The following CYYR1 variants were observed in gnomAD, a reference collection of about 807,000 sequenced individuals.
CYYR1 encodes cysteine and tyrosine rich 1, also known as cysteine and tyrosine-rich protein 1.
CYYR1 carries 14 observed loss-of-function variants against 15.2 expected under a neutral mutation model. The ratio of observed to expected loss-of-function variants is 0.92; its 90% CI spans 0.61 to 1.44. The LOEUF (loss-of-function observed/expected upper bound fraction) is 1.44, where lower values mean the gene tolerates loss of function less well. CYYR1 is among the 40% of genes most tolerant of loss of function. CYYR1 has a pLI of 0.00. For missense variants in CYYR1, 228 were observed against 209.5 expected, an observed-to-expected ratio of 1.09 and a Z score of -0.54; for synonymous variants, 80 against 77.4, an observed-to-expected ratio of 1.03 and a Z score of -0.18.
chr21:26,538,416 T>C (rs1601807182), intron 2 of CYYR1, among the ~76,000 whole-genome samples: 1 of 152,188 alleles, frequency 6.6e-6, no homozygotes, highest in African/African-American at 2.4e-5. Flanking sequence ...GAGCTCCTTA[T>C]TCTTTGTTCT....
intron 2 of CYYR1, among the ~76,000 whole-genome samples, chr21:26,517,056 A>G (rs2065737645): frequency 7.9e-6 from 1 of 127,118 alleles, no homozygotes. Context: ...CGGAGCTTGC[A>G]GTGAGCCGAG....
intron 2 of CYYR1, among the ~76,000 whole-genome samples, chr21:26,533,375 C>T (rs754363410): frequency 3.3e-5 from 5 of 151,936 alleles, no homozygotes; most frequent in Non-Finnish European, 7.4e-5. Flanking sequence ...TGACTTAATA[C>T]GGTCTAAGTC....
chr21:26,508,507 T>C (rs2123504135), intron 2 of CYYR1, among the ~76,000 whole-genome samples: 1 of 152,264 alleles, frequency 6.6e-6, no homozygotes, highest in East Asian at 1.9e-4. Context: ...CTTAAGCTAT[T>C]GTGGTAATGG....
At chr21:26,498,641 A>G (rs944016630) in intron 2 of CYYR1, among the ~76,000 whole-genome samples, 11 of 152,230 alleles carry the variant, frequency 7.2e-5, no homozygotes, top group African/African-American at 2.7e-4. Context: ...CTGTTGTATT[A>G]GTCTATTCTC....
chr21:26,501,610 G>A (rs1342420053), intron 2 of CYYR1, among the ~76,000 whole-genome samples: 1 of 152,170 alleles, frequency 6.6e-6, no homozygotes, highest in Non-Finnish European at 1.5e-5. Flanking sequence ...TTTCTATTCT[G>A]TTCACAAGGA....
intron 1 of CYYR1, among the ~76,000 whole-genome samples, chr21:26,567,169 G>A (rs1279293037): frequency 4.2e-4 from 11 of 26,274 alleles, no homozygotes; most frequent in Non-Finnish European, 8.0e-4. Flanking sequence ...TTTTCATTTG[G>A]TGACTTTTTT....
intron 2 of CYYR1, among the ~76,000 whole-genome samples, chr21:26,536,040 C>T (rs144593237): frequency 0.01 from 1,573 of 152,206 alleles, 7 homozygotes; most frequent in Middle Eastern, 0.024. Context: ...GGCTTCGAGA[C>T]GCTTACAACC....
intron 2 of CYYR1, among the ~76,000 whole-genome samples, chr21:26,523,100 TTG>T (rs1198007982): frequency 6.6e-6 from 1 of 152,210 alleles, no homozygotes; most frequent in African/African-American, 2.4e-5. Flanking sequence ...TGAGGACAGA[TTG>T]AAAGTATAAT....
intron 2 of CYYR1, among the ~76,000 whole-genome samples, chr21:26,504,086 T>G (rs896519753): frequency 2.6e-5 from 4 of 152,196 alleles, no homozygotes; most frequent in Non-Finnish European, 5.9e-5. Context: ...CCATCTCAAC[T>G]TGAGGCATTC....
chr21:26,480,585 T>C (rs2065166052), intron 2 of CYYR1, among the ~76,000 whole-genome samples, 156 bp from the exon 3 acceptor site: 1 of 151,130 alleles, frequency 6.6e-6, no homozygotes, highest in African/African-American at 2.4e-5. Context: ...TTAAAACCCA[T>C]AAGTTCCCTG....
At chr21:26,512,772 G>A (rs547229885) in intron 2 of CYYR1, among the ~76,000 whole-genome samples, 17 of 152,174 alleles carry the variant, frequency 1.1e-4, no homozygotes, top group East Asian at 3.9e-4. Flanking sequence ...CATAGACCAC[G>A]TGGCCTGCAA....
intron 2 of CYYR1, among the ~76,000 whole-genome samples, chr21:26,521,634 G>A (rs1355331147): frequency 6.6e-6 from 1 of 152,128 alleles, no homozygotes; most frequent in Non-Finnish European, 1.5e-5. Context: ...TACCTCTATT[G>A]AACTCTTGAG....
intron 2 of CYYR1, among the ~76,000 whole-genome samples, chr21:26,543,329 TTAAAA>T (rs1287300817): frequency 2.0e-5 from 3 of 152,196 alleles, no homozygotes; most frequent in Admixed American, 6.5e-5. Flanking sequence ...ACCCCAGAAC[TTAAAA>T]TAAAAATAAA....
At chr21:26,512,183 C>G (rs1315568826) in intron 2 of CYYR1, among the ~76,000 whole-genome samples, 1 of 151,888 alleles carries the variant, frequency 6.6e-6, no homozygotes, top group Admixed American at 6.6e-5. Flanking sequence ...GTATCGTTCA[C>G]ATTCAGTCCC....
rs372578247 is a variant in CYYR1 at position 26,481,761 on chromosome 21, A to G, written c.177-1332T>C. ...AATGAATTAGTATTAATTGAATACTAATTCAATTAATTAGTATTTTCAATA... is the reference window on the plus strand; with the variant it reads ...AATGAATTAGTATTAATTGAATACTGATTCAATTAATTAGTATTTTCAATA... On this transcript the variant is annotated intron_variant, in intron 2 of 3. Coordinates refer to ENST00000652641, the MANE Select transcript of CYYR1 (RefSeq NM_001320768.2). Among the ~76,000 whole-genome samples, 14 of 152,022 alleles carry G rather than the reference A, an allele frequency of 9.2e-5. No individual in the cohort carries two copies. The East Asian group carries it at 2.7e-3, about 29-fold the overall frequency.
At chr21:26,505,150 A>T (rs1303757498) in intron 2 of CYYR1, among the ~76,000 whole-genome samples, 4 of 152,250 alleles carry the variant, frequency 2.6e-5, no homozygotes, top group Non-Finnish European at 5.9e-5. Flanking sequence ...TCAGAGATGA[A>T]ATCTGAAAGA....
At chr21:26,557,996 C>T (rs1240242348) in intron 2 of CYYR1, among the ~76,000 whole-genome samples, 1 of 152,186 alleles carries the variant, frequency 6.6e-6, no homozygotes, top group Non-Finnish European at 1.5e-5. Flanking sequence ...AGGTCCACAT[C>T]CCATCAGTCC....
At chr21:26,546,237 C>G (rs1001363396) in intron 2 of CYYR1, among the ~76,000 whole-genome samples, 6 of 152,202 alleles carry the variant, frequency 3.9e-5, no homozygotes, top group Non-Finnish European at 7.3e-5. Flanking sequence ...TTTGAGAAAA[C>G]TTCTGTTAGA....
At chr21:26,495,043 G>C (rs1325138119) in intron 2 of CYYR1, among the ~76,000 whole-genome samples, 1 of 152,194 alleles carries the variant, frequency 6.6e-6, no homozygotes, top group Non-Finnish European at 1.5e-5. Context: ...AACAACCTGA[G>C]AAATGACTGT....
Sources: allele counts gnomAD v4.1 joint callset (sites outside exome capture counted in the v4.1 genomes callset), GRCh38; gene constraint gnomAD v4.1.1; transcripts MANE v1.5; gene names NCBI Gene and HGNC (gene_info 2026-07-23, HGNC 2026-07-21).